PTPRG: variants seen among roughly 807,000 people sequenced by gnomAD.
PTPRG encodes the protein receptor-type tyrosine-protein phosphatase gamma.
Under a neutral mutation model 165.3 loss-of-function variants are expected in PTPRG, and 102 were observed. That is an observed-to-expected ratio of 0.62 (90% CI 0.53 to 0.73). The LOEUF (loss-of-function observed/expected upper bound fraction) is 0.73, where lower values mean the gene tolerates loss of function less well. Among genes scored for constraint, PTPRG ranks in the 30% least tolerant of loss-of-function variants. The probability of loss-of-function intolerance (pLI) is 0.00; values close to 1 mark genes in which losing one functional copy is unlikely to be tolerated. For synonymous variants in PTPRG, 675 were observed against 669.5 expected, an observed-to-expected ratio of 1.01 and a Z score of -0.13; for missense variants, 1,866 against 1,861.4, an observed-to-expected ratio of 1.00 and a Z score of -0.05.
At position 61,945,002 on chromosome 3, in the gene PTPRG, G is replaced by A. The variant is rs185296941; in HGVS notation, c.191-44623G>A. ...AAGAACGGAATTCTATGCAAGTTGC[G>A]TGTGTCATGAAGGTCTCTGCACAGT... is the stretch of plus-strand genomic sequence containing the variant. On this transcript the variant is annotated intron_variant, in intron 2 of 29. Transcript: ENST00000474889. Among the ~76,000 whole-genome samples, 1,100 of 152,268 alleles carry A rather than the reference G, an allele frequency of 7.2e-3. 20 individuals carry two copies. Among genetic ancestry groups the A allele is most frequent in the Admixed American group, 0.041 (629 of 15,286 alleles).
chr3:61,914,683 A>G (rs1461011188), intron 2 of PTPRG, among the ~76,000 whole-genome samples: 1 of 152,176 alleles, frequency 6.6e-6, no homozygotes, highest in African/African-American at 2.4e-5. Context: ...TCTTCTTCCT[A>G]GCTTATTTCC....
At position 61,616,610 on chromosome 3, in the gene PTPRG, C is replaced by A. The variant is rs147942272; in HGVS notation, c.85+54238C>A. ...AGCCCTTCTCCCTGCCATATAGACA[C>A]CCTCCTCGTCTCACTTGGTTACCCC... On this transcript the variant is annotated intron_variant, in intron 1 of 29. Transcript: ENST00000474889. 2.5e-3 allele frequency among the ~76,000 whole-genome samples: 381 copies of A among 152,294 alleles called. 1 individual carries two copies. The highest frequency in any genetic ancestry group is 8.8e-3 in the African/African-American group (365 of 41,572).
chr3:61,711,982 C>G (rs980498443), intron 1 of PTPRG, among the ~76,000 whole-genome samples: 1 of 149,816 alleles, frequency 6.7e-6, no homozygotes, highest in African/African-American at 2.5e-5. Flanking sequence ...CAACATCTGC[C>G]TCCTGGGTTC....
intron 2 of PTPRG, among the ~76,000 whole-genome samples, chr3:61,988,493 C>A (rs1164042421): frequency 6.6e-6 from 1 of 152,098 alleles, no homozygotes; most frequent in African/African-American, 2.4e-5. Context: ...GTTAGACTTA[C>A]CTACTAATAA....
rs1193720157 is a variant in PTPRG, at chr3:62,273,313, TAC to T, written c.3318+234_3318+235del. ...ACTACACAAGTACTTACGAAAGAGA[TAC>T]AGTTGTTTCAAGAGCTGTGTTAGAT... is the stretch of plus-strand genomic sequence containing the variant. On this transcript the variant is annotated intron_variant, in intron 22 of 29. Transcript: ENST00000474889. The surrounding 1 kb of genome is among the most constrained non-coding windows in gnomAD (Gnocchi z 4.1). 6.6e-6 allele frequency among the ~76,000 whole-genome samples: 1 copy of T among 152,214 alleles called. No homozygotes were observed. The highest frequency in any genetic ancestry group is 1.5e-5 in the Non-Finnish European group (1 of 68,038).
intron 5 of PTPRG, among the ~76,000 whole-genome samples, chr3:62,116,923 G>C (rs1702888371): frequency 6.6e-6 from 1 of 152,176 alleles, no homozygotes; most frequent in Admixed American, 6.5e-5. Context: ...TGACCTGACA[G>C]TCTTGAGGAG....
chr3:61,922,815 A>G (rs1364861531), intron 2 of PTPRG, among the ~76,000 whole-genome samples: 1 of 151,996 alleles, frequency 6.6e-6, no homozygotes, highest in Non-Finnish European at 1.5e-5. Context: ...TAATTTTTGT[A>G]TTTTTGGTAA....
At chr3:62,277,904 A>G (rs1203783066) in intron 26 of PTPRG, among the ~76,000 whole-genome samples, 1 of 152,014 alleles carries the variant, frequency 6.6e-6, no homozygotes, top group Non-Finnish European at 1.5e-5. Context: ...ATCACCCTTC[A>G]ATTGTACTGT....
At chr3:62,288,062 T>C (rs1308281313) in intron 28 of PTPRG, among the ~76,000 whole-genome samples, 1 of 150,890 alleles carries the variant, frequency 6.6e-6, no homozygotes, top group Non-Finnish European at 1.5e-5. Flanking sequence ...CCAAAATAAG[T>C]ATTTCACAGT....
Position 62,078,226 on chromosome 3 carries a change from A to G in PTPRG, c.583A>G (p.Arg195Gly). ...CTTTCAAACCGCAATTTCTGAGAAC[A>G]GAATAATCGGAGCCATGGCCATATT... ...DSFQTAISEN[R>G]IIGAMAIFFQ... is the part of the protein sequence containing the mutation. Residue 195 changes from arginine (R) to glycine (G), a missense_variant, in exon 5 of 30, where the codon AGA becomes GGA. Transcript: ENST00000474889. 2 of 1,609,388 alleles carry G rather than the reference A, an allele frequency of 1.2e-6. No homozygotes were observed. Among genetic ancestry groups the G allele is most frequent in the Non-Finnish European group, 1.7e-6 (2 of 1,177,624 alleles).
chr3:61,613,109 C>T (rs898379105), intron 1 of PTPRG, among the ~76,000 whole-genome samples: 2 of 152,188 alleles, frequency 1.3e-5, no homozygotes, highest in Non-Finnish European at 2.9e-5. Context: ...AGGGAAATCA[C>T]ACCCTTTAGA....
chr3:61,608,985 GAGTACC>G (rs1575534963), intron 1 of PTPRG, among the ~76,000 whole-genome samples: 1 of 152,228 alleles, frequency 6.6e-6, no homozygotes, highest in East Asian at 1.9e-4. Context: ...GGAGTGGCAG[GAGTACC>G]AGTGTTTGCC....
chr3:62,192,443 C>G (rs1699859017), intron 9 of PTPRG, among the ~76,000 whole-genome samples: 1 of 109,202 alleles, frequency 9.2e-6, no homozygotes, highest in South Asian at 3.5e-4. Flanking sequence ...GAGTCTTGCT[C>G]TGTCGCCCAG....
chr3:61,848,410 T>C (rs757857453), intron 2 of PTPRG, among the ~76,000 whole-genome samples: 1 of 152,208 alleles, frequency 6.6e-6, no homozygotes, highest in Non-Finnish European at 1.5e-5. Flanking sequence ...CCTGAAATCC[T>C]CTGTTGGCAA....
chr3:62,001,086 G>C (rs952453882), intron 3 of PTPRG, among the ~76,000 whole-genome samples: 2 of 152,108 alleles, frequency 1.3e-5, no homozygotes, highest in African/African-American at 4.8e-5. Flanking sequence ...GACTGCCTTC[G>C]GTATATTCTG....
At chr3:61,878,181 G>A (rs1376279288) in intron 2 of PTPRG, among the ~76,000 whole-genome samples, 2 of 152,048 alleles carry the variant, frequency 1.3e-5, no homozygotes, top group African/African-American at 2.4e-5. Flanking sequence ...ATTAATATTG[G>A]GGAATTTGCT....
chr3:62,295,065 C>T lies in PTPRG; in HGVS notation c.*1758C>T. The T allele has an allele frequency of 6.6e-6, 1 of 152,108 alleles. No homozygotes were observed. The highest frequency in any genetic ancestry group is 1.9e-4 in the East Asian group (1 of 5,194). 9.4% of individuals were successfully genotyped at this position (152,108 alleles called of 1,614,324 possible). The stretch of plus-strand genomic sequence containing the variant: ...CATAATTTACCAGGGTTTATCTCAT[C>T]TTCTCAATACATAGATTTAACAACA... On this transcript the variant is annotated 3_prime_UTR_variant, in exon 30 of 30. Coordinates refer to ENST00000474889, the MANE Select transcript of PTPRG (RefSeq NM_002841.4).
chr3:62,281,332 T>C (rs1702426654), intron 26 of PTPRG, among the ~76,000 whole-genome samples: 1 of 151,952 alleles, frequency 6.6e-6, no homozygotes, highest in Non-Finnish European at 1.5e-5. Flanking sequence ...GTGTTTCAGG[T>C]TGCTACACTA....
At chr3:61,944,387 G>A (rs187243873) in intron 2 of PTPRG, among the ~76,000 whole-genome samples, 4 of 152,300 alleles carry the variant, frequency 2.6e-5, no homozygotes, top group African/African-American at 9.6e-5. Context: ...TTCTTGGCTT[G>A]TGGCATTGTA....
Sources: gnomAD v4.1 joint callset for allele counts (sites outside exome capture counted in the v4.1 genomes callset) on GRCh38, gnomAD v4.1.1 for gene constraint, Gnocchi (gnomAD v3.1) non-coding constraint, MANE v1.5 for transcripts, NCBI Gene and HGNC (gene_info 2026-07-23, HGNC 2026-07-21) for gene names.